PAK2: variants seen among roughly 807,000 people sequenced by gnomAD.
The protein encoded by PAK2 is serine/threonine-protein kinase PAK 2.
Under a neutral mutation model 65.9 loss-of-function variants are expected in PAK2, and 21 were observed. The ratio of observed to expected loss-of-function variants is 0.32; its 90% confidence interval spans 0.23 to 0.46. The LOEUF is 0.46. Among genes scored for constraint, PAK2 ranks in the 20% least tolerant of loss-of-function variants. The pLI is 1.00. For synonymous variants in PAK2, 204 were observed against 219.7 expected (o/e 0.93, Z 0.63); for missense variants, 324 against 642.6 (o/e 0.50, Z 5.36).
chr3:196,795,292 C>CCA (rs1715216780), intron 2 of PAK2, among the ~76,000 whole-genome samples: 1 of 136,116 alleles, frequency 7.3e-6, no homozygotes, highest in African/African-American at 2.8e-5. Flanking sequence ...CCCATCTCTA[C>CCA]AAAAAAAAAA....
rs1165947334 is a variant in PAK2, at chr3:196,803,158, C to G, written c.430C>G (p.Pro144Ala). ...TVKQKYLSFT[P>A]PEKDGFPSGT... ...GAAGCAGAAATATCTGAGCTTTACT[C>G]CTCCTGGTAAGAGAGTGGCATAAGG... Residue 144 changes from proline (P) to alanine (A), a missense_variant, in exon 4 of 15, where the codon CCT becomes GCT. By Grantham distance (27) the Pro-to-Ala change is conservative (BLOSUM62 -1). Coordinates refer to ENST00000327134, the MANE Select transcript of PAK2 (RefSeq NM_002577.4). 1 of 1,606,542 alleles carries G rather than the reference C, an allele frequency of 6.2e-7. No homozygotes were observed. The highest frequency in any genetic ancestry group is 1.7e-5 in the Admixed American group (1 of 58,378).
At chr3:196,744,903 T>G (rs972292769) in intron 1 of PAK2, among the ~76,000 whole-genome samples, 1 of 150,912 alleles carries the variant, frequency 6.6e-6, no homozygotes, top group African/African-American at 2.4e-5. Flanking sequence ...TTAAAACGAC[T>G]TGTAAGTGTG....
intron 11 of PAK2, among the ~76,000 whole-genome samples, chr3:196,815,161 C>T (rs901573991): frequency 7.9e-5 from 12 of 151,322 alleles, no homozygotes; most frequent in Non-Finnish European, 1.6e-4. Context: ...GCCTGGGCAA[C>T]AGAGCGAGAG....
chr3:196,779,726 A>G (rs1290593048), intron 1 of PAK2, among the ~76,000 whole-genome samples: 1 of 152,202 alleles, frequency 6.6e-6, no homozygotes, highest in Non-Finnish European at 1.5e-5. Context: ...ACGCTGGAGT[A>G]CAATGGCATG....
Position 196,829,689 on chromosome 3 carries a change from A to G in PAK2, c.*1284A>G, listed in dbSNP as rs1307958300. On this transcript the variant is annotated 3_prime_UTR_variant, in exon 15 of 15. Coordinates refer to ENST00000327134, the MANE Select transcript of PAK2 (RefSeq NM_002577.4). The stretch of plus-strand genomic sequence containing the variant: ...TATTATCTATGAGAACTTGAGCGAC[A>G]GAGTATTTCTTGATGAATTTATAGA... The G allele has an allele frequency of 6.6e-6, 1 of 152,218 alleles. No individual in the cohort carries two copies. The highest frequency in any genetic ancestry group is 1.5e-5 in the Non-Finnish European group (1 of 68,042). 9.4% of individuals were successfully genotyped at this position (152,218 alleles called of 1,614,324 possible).
chr3:196,822,693 G>A (rs899356473), intron 13 of PAK2, among the ~76,000 whole-genome samples: 1 of 151,932 alleles, frequency 6.6e-6, no homozygotes, highest in Non-Finnish European at 1.5e-5. Context: ...GCTAGGACCT[G>A]TCTCAAAAAA....
rs577646430 is a variant in PAK2 at position 196,829,685 on chromosome 3, C to T, written c.*1280C>T. On this transcript the variant is annotated 3_prime_UTR_variant, in exon 15 of 15. Coordinates refer to ENST00000327134, the MANE Select transcript of PAK2 (RefSeq NM_002577.4). The stretch of plus-strand genomic sequence containing the variant: ...GTGGTATTATCTATGAGAACTTGAG[C>T]GACAGAGTATTTCTTGATGAATTTA... 1.2e-4 allele frequency: 19 copies of T among 152,204 alleles called. No individual in the cohort carries two copies. The highest frequency in any genetic ancestry group is 3.6e-4 in the African/African-American group (15 of 41,526). The allele number at this position is 152,204 out of a possible 1,614,324, so 9.4% of individuals were successfully genotyped here.
rs749182376 is a variant in PAK2, at chr3:196,812,200, G to T, written c.774-19G>T. 7 of 1,464,006 alleles carry T rather than the reference G, an allele frequency of 4.8e-6. No individual in the cohort carries two copies. The African/African-American group carries it at 9.7e-5, about 20-fold the overall frequency. 90.7% of individuals were successfully genotyped at this position (1,464,006 alleles called of 1,614,324 possible). A position where few individuals can be genotyped will look rare whatever the true frequency, so the allele number is the denominator to read the frequency against. ...TGATTTATCAACCTTAAATCTGGTT[G>T]TGTGTTTTCTCCCTCTAGGGCTTCT... On this transcript the variant is annotated intron_variant, in intron 8 of 14. Coordinates refer to ENST00000327134, the MANE Select transcript of PAK2 (RefSeq NM_002577.4).
Position 196,780,570 on chromosome 3 carries a change from A to G in PAK2, c.-21-2056A>G, listed in dbSNP as rs1034323457. ...CCTCCCACCAGGTCCCTTCCATAAC[A>G]TGTGGGAATTCAAGATGAGATTTGG... On this transcript the variant is annotated intron_variant, in intron 1 of 14. Coordinates refer to ENST00000327134, the MANE Select transcript of PAK2 (RefSeq NM_002577.4). Among the ~76,000 whole-genome samples, 9 of 152,170 alleles carry G rather than the reference A, an allele frequency of 5.9e-5. No homozygotes were observed. The East Asian group carries it at 9.6e-4, about 16-fold the overall frequency.
In PAK2 at chr3:196,820,986, C is replaced by T. The variant is rs997140014; in HGVS notation, c.1350+419C>T. 2.0e-5 allele frequency among the ~76,000 whole-genome samples: 3 copies of T among 152,022 alleles called. No individual in the cohort carries two copies. The highest frequency in any genetic ancestry group is 4.8e-5 in the African/African-American group (2 of 41,392). On this transcript the variant is annotated intron_variant, in intron 13 of 14. Coordinates refer to ENST00000327134, the MANE Select transcript of PAK2 (RefSeq NM_002577.4). The surrounding 1 kb of genome is among the most constrained non-coding windows in gnomAD (Gnocchi z 4.6). ...TCCTGAGTAGCTGGGACTATGGGTG[C>T]GTGCCACCACACCCAGCTGATTTTT...
chr3:196,766,089 G>A (rs141568983), intron 1 of PAK2, among the ~76,000 whole-genome samples: 28 of 151,812 alleles, frequency 1.8e-4, no homozygotes, highest in African/African-American at 6.5e-4. Flanking sequence ...TAGAGATGAG[G>A]TTTCACCATG....
intron 1 of PAK2, among the ~76,000 whole-genome samples, chr3:196,779,760 T>A (rs1397334098): frequency 6.6e-6 from 1 of 152,186 alleles, no homozygotes; most frequent in African/African-American, 2.4e-5. Flanking sequence ...AACCTCTGCC[T>A]CCCGGGCTCA....
In PAK2 at chr3:196,758,503, A is replaced by G. The variant is rs150794211; in HGVS notation, c.-22+18346A>G. Among the ~76,000 whole-genome samples the G allele has an allele frequency of 1.0e-3, 156 of 152,366 alleles. 1 individual carries two copies. Among genetic ancestry groups the G allele is most frequent in the African/African-American group, 3.6e-3 (150 of 41,588 alleles). On this transcript the variant is annotated intron_variant, in intron 1 of 14. Transcript: ENST00000327134. ...TAAAGAAACAGTAAGAATAGAAAAAACTTAAAGCCTGAAGAGGGAAAGACT... is the reference window on the plus strand; with the variant it reads ...TAAAGAAACAGTAAGAATAGAAAAAGCTTAAAGCCTGAAGAGGGAAAGACT...
intron 1 of PAK2, among the ~76,000 whole-genome samples, chr3:196,748,253 C>T (rs1713456554): frequency 6.6e-6 from 1 of 152,144 alleles, no homozygotes; most frequent in Non-Finnish European, 1.5e-5. Context: ...CCTCATGCCC[C>T]TCTTCTCCAA....
intron 11 of PAK2, among the ~76,000 whole-genome samples, 159 bp downstream of exon 11, chr3:196,814,727 CA>C (rs1715937310): frequency 6.6e-6 from 1 of 152,176 alleles, no homozygotes; most frequent in Non-Finnish European, 1.5e-5. Flanking sequence ...TCATCCTACA[CA>C]GGAGTTTCAG....
chr3:196,804,036 A>G lies in PAK2; in HGVS notation c.436+872A>G, dbSNP rs545043273. Among the ~76,000 whole-genome samples, 3 of 152,284 alleles carry G rather than the reference A, an allele frequency of 2.0e-5. No individual in the cohort carries two copies. In the East Asian group the frequency reaches 5.8e-4, roughly 29 times the overall value. On this transcript the variant is annotated intron_variant, in intron 4 of 14. Coordinates refer to ENST00000327134, the MANE Select transcript of PAK2 (RefSeq NM_002577.4). ...TGTCTTTTCTTGACGTTTATTTATT[A>G]CAGAAACAAGATCATTTGTCCTGTT...
intron 1 of PAK2, among the ~76,000 whole-genome samples, chr3:196,754,916 C>T (rs571467309): frequency 3.9e-5 from 6 of 152,266 alleles, no homozygotes; most frequent in African/African-American, 1.2e-4. Context: ...TCTTCAAAGC[C>T]GACTCTGAGT....
At chr3:196,802,805 G>A (rs1390812362) in intron 3 of PAK2, among the ~76,000 whole-genome samples, 2 of 151,208 alleles carry the variant, frequency 1.3e-5, no homozygotes, top group Non-Finnish European at 3.0e-5. Flanking sequence ...GATCTCGCAC[G>A]ACTGCACTCC....
rs945880398 is a variant in PAK2, at chr3:196,791,623, G to A, written c.187+8790G>A. Among the ~76,000 whole-genome samples, 1 of 151,650 alleles carries A rather than the reference G, an allele frequency of 6.6e-6. No homozygotes were observed. Among genetic ancestry groups the A allele is most frequent in the African/African-American group, 2.4e-5 (1 of 41,252 alleles). The stretch of plus-strand genomic sequence containing the variant: ...ATTTCAGAATGTTTTTTCTTTATGT[G>A]TTAAGAAATATAATTCCTGGGCCGG... On this transcript the variant is annotated intron_variant, in intron 2 of 14. Transcript: ENST00000327134. This position sits in a 1 kb window ranked among gnomAD's most constrained non-coding sequence, Gnocchi z 4.0.
Sources: gnomAD v4.1 joint callset for allele counts (sites outside exome capture counted in the v4.1 genomes callset) on GRCh38, gnomAD v4.1.1 for gene constraint, Gnocchi (gnomAD v3.1) non-coding constraint, MANE v1.5 for transcripts, NCBI Gene and HGNC (gene_info 2026-07-23, HGNC 2026-07-21) for gene names.